MYO10: variants seen among roughly 807,000 people sequenced by gnomAD.
MYO10 encodes the protein unconventional myosin-X.
MYO10 carries 133 observed loss-of-function variants against 257.3 expected under a neutral mutation model. That is an observed-to-expected ratio of 0.52 (90% CI 0.45 to 0.60). The LOEUF is 0.60. Ranked by LOEUF, MYO10 falls within the 20% of genes least tolerant of loss-of-function variation. The probability of loss-of-function intolerance (pLI) is 0.00; values close to 1 mark genes in which losing one functional copy is unlikely to be tolerated. For missense variants in MYO10, 2,399 were observed against 2,635.7 expected (o/e 0.91, Z 1.97); for synonymous variants, 1,104 against 1,028.6 (o/e 1.07, Z -1.40).
At chr5:16,790,903 A>ATT (rs1741730852) in intron 4 of MYO10, among the ~76,000 whole-genome samples, 1 of 117,054 alleles carries the variant, frequency 8.5e-6, no homozygotes, top group Non-Finnish European at 1.8e-5. Context: ...ATTTATATAT[A>ATT]TATATATATA....
intron 19 of MYO10, among the ~76,000 whole-genome samples, chr5:16,740,306 G>C (rs796176147): frequency 6.6e-6 from 1 of 152,072 alleles, no homozygotes; most frequent in Non-Finnish European, 1.5e-5. Context: ...ACATTGAGGG[G>C]GCTGCCCGTG....
At chr5:16,827,188 T>C (rs1005449494) in intron 2 of MYO10, among the ~76,000 whole-genome samples, 2 of 152,212 alleles carry the variant, frequency 1.3e-5, no homozygotes, top group African/African-American at 4.8e-5. Context: ...TCTACTCTGC[T>C]AGCGTGCGGA....
chr5:16,711,348 A>G, intron 19 of MYO10, 103 bp from the exon 20 acceptor site: 1 of 1,173,850 alleles, frequency 8.5e-7, no homozygotes, highest in Non-Finnish European at 1.2e-6. Context: ...CCCCGCTTCA[A>G]AACACATACG....
intron 3 of MYO10, among the ~76,000 whole-genome samples, chr5:16,810,925 C>T (rs1176665535): frequency 6.6e-6 from 1 of 151,956 alleles, no homozygotes; most frequent in Non-Finnish European, 1.5e-5. Flanking sequence ...AAAAATTAGC[C>T]GGGTGTGGTG....
intron 2 of MYO10, among the ~76,000 whole-genome samples, chr5:16,874,271 T>C (rs1365539404): frequency 2.2e-5 from 3 of 139,236 alleles, no homozygotes; most frequent in Admixed American, 8.2e-5. Context: ...GACGTAGAGC[T>C]TGCAGTGAGC....
rs70940395 is a variant in MYO10 at position 16,663,328 on chromosome 5, GTTTTTTTTTTTTTTTTTTTTTTTTTT to G, written c.*3338_*3363del. 1.3e-5 allele frequency: 1 copy of G among 76,888 alleles called. No individual in the cohort carries two copies. Among genetic ancestry groups the G allele is most frequent in the African/African-American group, 6.5e-5 (1 of 15,498 alleles). 4.8% of individuals were successfully genotyped at this position (76,888 alleles called of 1,614,324 possible). On this transcript the variant is annotated 3_prime_UTR_variant, in exon 41 of 41. Coordinates refer to ENST00000513610, the MANE Select transcript of MYO10 (RefSeq NM_012334.3). ...AAAAAGTAACATTTTACTTCTAGTTGTTTTTTTTTTTTTTTTTTTTTTTTTTTTTTTTTTTTTTTACAAATCACCTA... is the reference window on the plus strand; with the variant it reads ...AAAAAGTAACATTTTACTTCTAGTTGTTTTTTTTTTTTTACAAATCACCTA...
At chr5:16,912,806 A>G (rs560282588) in intron 1 of MYO10, among the ~76,000 whole-genome samples, 28 of 121,326 alleles carry the variant, frequency 2.3e-4, no homozygotes, top group African/African-American at 8.4e-4. Flanking sequence ...CACCCTGCAC[A>G]CACACACACA....
At chr5:16,916,247 T>C (rs976994397) in intron 1 of MYO10, 90 of 433,172 alleles carry the variant, frequency 2.1e-4, no homozygotes, top group African/African-American at 7.9e-4. Context: ...CGTCAACAGA[T>C]AGTGGTGCAG....
intron 1 of MYO10, among the ~76,000 whole-genome samples, chr5:16,930,395 G>A (rs979822607): frequency 2.6e-5 from 4 of 152,196 alleles, no homozygotes; most frequent in African/African-American, 9.6e-5. Context: ...TTGAAAACCA[G>A]ACTGAGGAAT....
intron 2 of MYO10, among the ~76,000 whole-genome samples, chr5:16,856,174 G>C (rs112632145): frequency 1.3e-5 from 2 of 152,052 alleles, no homozygotes; most frequent in Non-Finnish European, 2.9e-5. Flanking sequence ...ATAATCAATC[G>C]TATGACACAT....
chr5:16,860,255 C>T (rs1744070633), intron 2 of MYO10, among the ~76,000 whole-genome samples: 1 of 152,120 alleles, frequency 6.6e-6, no homozygotes, highest in Non-Finnish European at 1.5e-5. Context: ...CCTCCCATAG[C>T]CCCTACACCC....
intron 19 of MYO10, chr5:16,741,899 A>T (rs1740029623): frequency 1.0e-6 from 1 of 985,346 alleles, no homozygotes; most frequent in African/African-American, 1.7e-5. Context: ...AGACACAAAA[A>T]TGGGCTTTCT....
intron 2 of MYO10, among the ~76,000 whole-genome samples, chr5:16,818,653 G>T (rs1189838609): frequency 6.6e-6 from 1 of 150,948 alleles, no homozygotes; most frequent in Non-Finnish European, 1.5e-5. Context: ...GCCCAGGCTG[G>T]TCTCAAACCC....
intron 30 of MYO10, 27 bp downstream of exon 30, chr5:16,683,853 T>C: frequency 6.2e-7 from 1 of 1,612,360 alleles, no homozygotes; most frequent in Non-Finnish European, 8.5e-7. Flanking sequence ...ATGAGCTGTT[T>C]TTGTTAAGAG....
intron 26 of MYO10, among the ~76,000 whole-genome samples, chr5:16,699,157 C>A (rs1737907025): frequency 6.6e-6 from 1 of 152,096 alleles, no homozygotes. Context: ...ATACTGGAGG[C>A]AGTGGTTGCA....
chr5:16,898,151 G>GAT (rs765395489), intron 1 of MYO10, among the ~76,000 whole-genome samples: 1 of 152,214 alleles, frequency 6.6e-6, no homozygotes, highest in Non-Finnish European at 1.5e-5. Context: ...GGGCCCCAGG[G>GAT]ATAAAGCTTT....
At chr5:16,713,508 G>A (rs918802775) in intron 19 of MYO10, 9 of 985,130 alleles carry the variant, frequency 9.1e-6, no homozygotes, top group African/African-American at 7.0e-5. Flanking sequence ...TTCCATTCTC[G>A]GGCTAATTAG....
chr5:16,803,775 T>C (rs980605683), intron 3 of MYO10, among the ~76,000 whole-genome samples: 11 of 152,206 alleles, frequency 7.2e-5, no homozygotes, highest in Non-Finnish European at 1.2e-4. Flanking sequence ...CTTAAGATTA[T>C]AGAAAATTTT....
At chr5:16,679,902 C>G in intron 33 of MYO10, 45 bp downstream of exon 33, 1 of 1,594,322 alleles carries the variant, frequency 6.3e-7, no homozygotes, top group East Asian at 2.3e-5. Context: ...AGGGTAGAAT[C>G]TCTGAGCTGT....
Sources: allele counts gnomAD v4.1 joint callset (sites outside exome capture counted in the v4.1 genomes callset), GRCh38; gene constraint gnomAD v4.1.1; transcripts MANE v1.5; gene names NCBI Gene and HGNC (gene_info 2026-07-23, HGNC 2026-07-21).